The following MAP4K4 variants were observed in gnomAD, a reference collection of about 807,000 sequenced individuals.
The protein encoded by MAP4K4 is HPK/GCK-like kinase HGK.
MAP4K4 carries 38 observed loss-of-function variants against 189.6 expected under a neutral mutation model. The observed-to-expected ratio is 0.20, with a 90% CI of 0.15 to 0.26. The LOEUF (loss-of-function observed/expected upper bound fraction) is 0.26. Ranked by LOEUF, MAP4K4 falls within the 10% of genes least tolerant of loss-of-function variation. The pLI, the probability that MAP4K4 is intolerant of heterozygous loss-of-function variation, is 1.00. For missense variants in MAP4K4, 1,054 were observed against 1,726.9 expected (o/e 0.61, Z 6.91); for synonymous variants, 610 against 624.3 (o/e 0.98, Z 0.34).
At chr2:101,780,098 A>G (rs1003455232) in intron 2 of MAP4K4, among the ~76,000 whole-genome samples, 1 of 152,234 alleles carries the variant, frequency 6.6e-6, no homozygotes, top group Non-Finnish European at 1.5e-5. Flanking sequence ...AATAGTGTAC[A>G]TATACGTAGG....
At chr2:101,811,269 G>A (rs1576009078) in intron 3 of MAP4K4, among the ~76,000 whole-genome samples, 1 of 148,936 alleles carries the variant, frequency 6.7e-6, no homozygotes, top group African/African-American at 2.5e-5. Flanking sequence ...TACTCGGGAA[G>A]CTGAGGCAGG....
chr2:101,763,784 A>G (rs1455722158), intron 2 of MAP4K4, among the ~76,000 whole-genome samples: 2 of 152,184 alleles, frequency 1.3e-5, no homozygotes, highest in East Asian at 1.9e-4. Flanking sequence ...TCTGATCTGA[A>G]TGTTGCTGTG....
intron 13 of MAP4K4, among the ~76,000 whole-genome samples, chr2:101,857,843 G>T (rs779102224): frequency 3.2e-4 from 49 of 152,118 alleles, no homozygotes; most frequent in Non-Finnish European, 6.0e-4. Context: ...CTTCTGTTCA[G>T]CCCATATTGA....
rs1448465880 is a variant in MAP4K4, at chr2:101,747,168, G to T, written c.124-43552G>T. 3.3e-5 allele frequency among the ~76,000 whole-genome samples: 5 copies of T among 152,218 alleles called. No homozygotes were observed. The South Asian group carries it at 1.0e-3, about 32-fold the overall frequency. On this transcript the variant is annotated intron_variant, in intron 2 of 32. Coordinates refer to ENST00000324219, the Ensembl canonical transcript of MAP4K4. ...GAGTCTCACTCTGTTGCCCAGGCTGGAGTGCAGTGGTGCGATTTTGGCTCA... is the reference window on the plus strand; with the variant it reads ...GAGTCTCACTCTGTTGCCCAGGCTGTAGTGCAGTGGTGCGATTTTGGCTCA...
At chr2:101,771,574 A>G (rs1387271689) in intron 2 of MAP4K4, among the ~76,000 whole-genome samples, 1 of 151,756 alleles carries the variant, frequency 6.6e-6, no homozygotes, top group Non-Finnish European at 1.5e-5. Flanking sequence ...AAGGGGGAGG[A>G]TTTTTTCACT....
At chr2:101,811,047 A>G (rs2149143333) in intron 3 of MAP4K4, among the ~76,000 whole-genome samples, 1 of 152,154 alleles carries the variant, frequency 6.6e-6, no homozygotes, top group South Asian at 2.1e-4. Flanking sequence ...GACTTATTTT[A>G]TTTTACTAAG....
At chr2:101,865,152 A>G in intron 18 of MAP4K4, 116 bp downstream of exon 18, 1 of 616,886 alleles carries the variant, frequency 1.6e-6, no homozygotes, top group East Asian at 3.0e-5. Context: ...AGAGATTATC[A>G]GTTATAAAAG....
intron 3 of MAP4K4, among the ~76,000 whole-genome samples, chr2:101,800,385 A>G (rs1410177047): frequency 6.6e-6 from 1 of 152,194 alleles, no homozygotes; most frequent in Non-Finnish European, 1.5e-5. Context: ...GGCGTGAGGG[A>G]CCACACCTGG....
At chr2:101,724,777 C>G (rs1184393811) in intron 2 of MAP4K4, among the ~76,000 whole-genome samples, 1 of 152,142 alleles carries the variant, frequency 6.6e-6, no homozygotes, top group African/African-American at 2.4e-5. Flanking sequence ...GCCCAGAAAT[C>G]TGTATTTTTT....
Position 101,869,971 on chromosome 2 carries a change from A to G in MAP4K4, c.2639+174A>G, listed in dbSNP as rs112366063. Reference sequence around the variant, plus strand: ...TCCCCTTCTCTTCGTTGGTGTGTGCATATGTCAGTGCTTCCCCCAGCACCC... The same window carrying G: ...TCCCCTTCTCTTCGTTGGTGTGTGCGTATGTCAGTGCTTCCCCCAGCACCC... On this transcript the variant is annotated intron_variant, in intron 22 of 32. Coordinates refer to ENST00000324219, the Ensembl canonical transcript of MAP4K4. 35,670 of 802,668 alleles carry G rather than the reference A, an allele frequency of 0.044. 1,051 individuals carry two copies. The highest frequency in any genetic ancestry group is 0.054 in the Non-Finnish European group (28,472 of 526,242). 49.7% of individuals were successfully genotyped at this position (802,668 alleles called of 1,614,324 possible).
chr2:101,827,243 C>T (rs2096402526), intron 5 of MAP4K4, among the ~76,000 whole-genome samples: 1 of 152,112 alleles, frequency 6.6e-6, no homozygotes, highest in Non-Finnish European at 1.5e-5. Flanking sequence ...TTTTTCACCT[C>T]ACTGGGCATC....
intron 2 of MAP4K4, among the ~76,000 whole-genome samples, chr2:101,751,707 G>GAA (rs1194578174): frequency 6.6e-6 from 1 of 152,178 alleles, no homozygotes; most frequent in East Asian, 1.9e-4. Context: ...AGGAGGTGCT[G>GAA]AAACTAAACT....
chr2:101,761,690 G>C (rs2076521664), intron 2 of MAP4K4, among the ~76,000 whole-genome samples: 1 of 151,832 alleles, frequency 6.6e-6, no homozygotes, highest in African/African-American at 2.4e-5. Flanking sequence ...TGAGTAGCTG[G>C]GATTACAGGT....
chr2:101,762,307 G>A (rs1167768891), intron 2 of MAP4K4, among the ~76,000 whole-genome samples: 1 of 152,140 alleles, frequency 6.6e-6, no homozygotes, highest in Admixed American at 6.5e-5. Context: ...ATGCTTAATC[G>A]ACCCTTAATC....
chr2:101,824,061 G>A lies in MAP4K4; in HGVS notation c.306+8G>A. ...CATGATGACCAACTCTGGGTAGGTG[G>A]ATGTTTCCTGAGCATTTGTGGGCAT... On this transcript the variant is annotated splice_region_variant and intron_variant, in intron 4 of 32. Transcript: ENST00000324219. 7.5e-7 allele frequency: 1 copy of A among 1,326,976 alleles called. No homozygotes were observed. The highest frequency in any genetic ancestry group is 9.9e-7 in the Non-Finnish European group (1 of 1,011,078). 82.2% of individuals were successfully genotyped at this position (1,326,976 alleles called of 1,614,324 possible). A position where few individuals can be genotyped will look rare whatever the true frequency, so the allele number is the denominator to read the frequency against.
chr2:101,873,210 C>T (rs1256940806), intron 24 of MAP4K4, among the ~76,000 whole-genome samples: 6 of 152,236 alleles, frequency 3.9e-5, no homozygotes, highest in African/African-American at 1.4e-4. Context: ...AAAATAACTA[C>T]AATTATTAAC....
chr2:101,868,972 C>G (rs1280894579), intron 21 of MAP4K4, among the ~76,000 whole-genome samples: 1 of 151,862 alleles, frequency 6.6e-6, no homozygotes, highest in Non-Finnish European at 1.5e-5. Context: ...AGAAAGCAAG[C>G]CTCTAGTTAA....
chr2:101,720,340 A>AT (rs537876735), intron 2 of MAP4K4, among the ~76,000 whole-genome samples: 2 of 151,796 alleles, frequency 1.3e-5, no homozygotes, highest in East Asian at 2.0e-4. Flanking sequence ...CACCTGGCTA[A>AT]TTTTTTTGTA....
chr2:101,779,114 A>G lies in MAP4K4; in HGVS notation c.124-11606A>G, dbSNP rs569210651. Among the ~76,000 whole-genome samples the G allele has an allele frequency of 2.0e-5, 3 of 152,294 alleles. No homozygotes were observed. In the South Asian group the frequency reaches 6.2e-4, roughly 32 times the overall value. ...ATAAATAAATGGATATTTATTAAAT[A>G]TATTTGTTGAGAGAATGAACACACA... On this transcript the variant is annotated intron_variant, in intron 2 of 32. Coordinates refer to ENST00000324219, the Ensembl canonical transcript of MAP4K4.
Sources: allele counts gnomAD v4.1 joint callset (sites outside exome capture counted in the v4.1 genomes callset), GRCh38; gene constraint gnomAD v4.1.1; transcripts MANE v1.5; gene names NCBI Gene and HGNC (gene_info 2026-07-23, HGNC 2026-07-21).